HIVEP2: variants seen among roughly 807,000 people sequenced by gnomAD.
HIVEP2 encodes the protein transcription factor HIVEP2.
HIVEP2 carries 14 observed loss-of-function variants against 180.7 expected under a neutral mutation model. That is an observed-to-expected ratio of 0.08 (90% CI 0.05 to 0.12). The LOEUF is 0.12. Ranked by LOEUF, HIVEP2 falls within the 10% of genes least tolerant of loss-of-function variation. The pLI, the probability that HIVEP2 is intolerant of heterozygous loss-of-function variation, is 1.00. For missense variants in HIVEP2, 2,579 were observed against 3,008.5 expected (o/e 0.86, Z 3.34); for synonymous variants, 1,184 against 1,136.4 (o/e 1.04, Z -0.84).
intron 3 of HIVEP2, among the ~76,000 whole-genome samples, chr6:142,783,009 C>T (rs1445689621): frequency 6.6e-6 from 1 of 152,066 alleles, no homozygotes; most frequent in Non-Finnish European, 1.5e-5. Flanking sequence ...TAAATTCTGT[C>T]GAATAATGCT....
intron 2 of HIVEP2, among the ~76,000 whole-genome samples, chr6:142,799,496 T>C (rs1301006920): frequency 1.3e-5 from 2 of 152,126 alleles, no homozygotes; most frequent in Non-Finnish European, 2.9e-5. Context: ...TCAGGCATTA[T>C]CTCTTCTTGG....
At chr6:142,817,007 C>T (rs540885918) in intron 2 of HIVEP2, among the ~76,000 whole-genome samples, 6 of 151,958 alleles carry the variant, frequency 3.9e-5, no homozygotes, top group South Asian at 4.1e-4. Context: ...TTGTTCAACT[C>T]GACTTGAACT....
chr6:142,772,312 G>T lies in HIVEP2; in HGVS notation c.2427C>A (p.Ser809Arg). ...CAGACCTTTCAAATGAATTGGGTCGGCTCAGTGAGTTGGTGTGCTGAATCA... is the reference window on the plus strand; with the variant it reads ...CAGACCTTTCAAATGAATTGGGTCGTCTCAGTGAGTTGGTGTGCTGAATCA... ...ISVIQHTNSL[S>R]RPNSFERSES... Residue 809 changes from serine to arginine, a missense_variant, in exon 5 of 10, where the codon AGC becomes AGA. Ser to Arg is a moderately radical substitution (Grantham distance 110). This residue lies in a region of HIVEP2 where 524 missense variants were observed against 563.6 expected (regional missense o/e 0.93). Coordinates refer to ENST00000367603, the MANE Select transcript of HIVEP2 (RefSeq NM_006734.4). The surrounding 1 kb of genome is among the most constrained non-coding windows in gnomAD (Gnocchi z 4.9). 1.2e-6 allele frequency: 2 copies of T among 1,614,214 alleles called. No individual in the cohort carries two copies.
At chr6:142,897,590 C>A (rs1188129919) in intron 1 of HIVEP2, among the ~76,000 whole-genome samples, 1 of 152,154 alleles carries the variant, frequency 6.6e-6, no homozygotes, top group African/African-American at 2.4e-5. Context: ...AAGTCAGACA[C>A]ACACACATGA....
At chr6:142,828,630 C>T (rs1774983278) in intron 2 of HIVEP2, among the ~76,000 whole-genome samples, 1 of 152,068 alleles carries the variant, frequency 6.6e-6, no homozygotes, top group Admixed American at 6.5e-5. Context: ...TGGGGTTTCA[C>T]CATGTTGGTC....
intron 1 of HIVEP2, among the ~76,000 whole-genome samples, chr6:142,909,801 T>G (rs1484812803): frequency 1.3e-5 from 2 of 152,166 alleles, no homozygotes; most frequent in African/African-American, 4.8e-5. Context: ...ACTTAGATTC[T>G]GAGTAGAAAG....
intron 1 of HIVEP2, among the ~76,000 whole-genome samples, chr6:142,896,176 T>C (rs1353911840): frequency 6.6e-6 from 1 of 152,204 alleles, no homozygotes; most frequent in Non-Finnish European, 1.5e-5. Flanking sequence ...GAGGCTAATA[T>C]AGTCAATTGT....
chr6:142,864,494 G>T (rs76172679), intron 1 of HIVEP2, among the ~76,000 whole-genome samples: 1 of 152,048 alleles, frequency 6.6e-6, no homozygotes, highest in African/African-American at 2.4e-5. Flanking sequence ...GTGACTTAGC[G>T]AAAAATAATA....
At chr6:142,847,938 GTTATAT>G (rs1274873133) in intron 1 of HIVEP2, among the ~76,000 whole-genome samples, 1 of 152,180 alleles carries the variant, frequency 6.6e-6, no homozygotes, top group Non-Finnish European at 1.5e-5. Context: ...AGGAAACACA[GTTATAT>G]AACATAATTC....
At chr6:142,846,567 C>A (rs924374490) in intron 1 of HIVEP2, among the ~76,000 whole-genome samples, 10 of 152,170 alleles carry the variant, frequency 6.6e-5, no homozygotes, top group African/African-American at 2.4e-4. Context: ...TTAATTATAA[C>A]CTGACAGTTT....
intron 1 of HIVEP2, among the ~76,000 whole-genome samples, chr6:142,881,172 C>T (rs998443303): frequency 1.5e-4 from 23 of 152,110 alleles, no homozygotes; most frequent in African/African-American, 5.3e-4. Context: ...CTTATGAATA[C>T]CTCTCCACTC....
chr6:142,878,856 G>A (rs1776511244), intron 1 of HIVEP2, among the ~76,000 whole-genome samples: 1 of 152,090 alleles, frequency 6.6e-6, no homozygotes, highest in Non-Finnish European at 1.5e-5. Flanking sequence ...GGTTAGAATG[G>A]AGATGGGGCT....
intron 1 of HIVEP2, among the ~76,000 whole-genome samples, chr6:142,938,036 C>A (rs887004850): frequency 7.2e-5 from 11 of 152,160 alleles, no homozygotes; most frequent in African/African-American, 2.7e-4. Context: ...ACATTGCATT[C>A]TCTACAACTA....
intron 2 of HIVEP2, among the ~76,000 whole-genome samples, chr6:142,786,609 A>T (rs1446917801): frequency 6.6e-6 from 1 of 152,228 alleles, no homozygotes; most frequent in Non-Finnish European, 1.5e-5. Context: ...GAAGAAAAAA[A>T]ATCCTTGGCA....
intron 1 of HIVEP2, among the ~76,000 whole-genome samples, chr6:142,871,481 C>A (rs1776287807): frequency 6.6e-6 from 1 of 151,950 alleles, no homozygotes; most frequent in Non-Finnish European, 1.5e-5. Context: ...AAATATTTTC[C>A]TTTTATGCAA....
rs778488725 is a variant in HIVEP2 at position 142,770,243 on chromosome 6, C to T, written c.4496G>A (p.Gly1499Glu). Residue 1499 changes from glycine to glutamate, a missense_variant, in exon 5 of 10, where the codon GGA becomes GAA. Transcript: ENST00000367603. The surrounding 1 kb of genome is among the most constrained non-coding windows in gnomAD (Gnocchi z 4.7). ...RPQKPQLVRQGCASEPKDGLQ... is the reference protein window; with the variant it reads ...RPQKPQLVRQECASEPKDGLQ... The stretch of plus-strand genomic sequence containing the variant: ...GCCATCTTTTGGCTCAGAAGCACAT[C>T]CTTGTCGAACCAGCTGGGGTTTCTG... 1 of 1,614,206 alleles carries T rather than the reference C, an allele frequency of 6.2e-7. No individual in the cohort carries two copies. Among genetic ancestry groups the T allele is most frequent in the South Asian group, 1.1e-5 (1 of 91,088 alleles).
intron 2 of HIVEP2, among the ~76,000 whole-genome samples, chr6:142,805,958 G>T (rs1353396549): frequency 6.6e-6 from 1 of 152,142 alleles, no homozygotes; most frequent in Non-Finnish European, 1.5e-5. Context: ...TGTGCCTAGA[G>T]GACAGCCCTC....
At chr6:142,852,662 A>G (rs1346349584) in intron 1 of HIVEP2, among the ~76,000 whole-genome samples, 1 of 152,240 alleles carries the variant, frequency 6.6e-6, no homozygotes, top group Non-Finnish European at 1.5e-5. Flanking sequence ...ACCCAGTTTC[A>G]AAACTCATCA....
intron 1 of HIVEP2, among the ~76,000 whole-genome samples, chr6:142,930,882 A>G (rs1777928430): frequency 6.6e-6 from 1 of 152,212 alleles, no homozygotes; most frequent in African/African-American, 2.4e-5. Flanking sequence ...AGTCACTCAC[A>G]AAGTCCTCTG....
Sources: allele counts gnomAD v4.1 joint callset (sites outside exome capture counted in the v4.1 genomes callset), GRCh38; gene constraint gnomAD v4.1.1; regional missense constraint gnomAD v4.1.1; non-coding constraint Gnocchi (gnomAD v3.1); transcripts MANE v1.5; gene names NCBI Gene and HGNC (gene_info 2026-07-23, HGNC 2026-07-21).